Variants in SH3KBP1 observed in about 807,000 individuals in gnomAD.
SH3KBP1 encodes the protein SH3 domain containing kinase binding protein 1.
In SH3KBP1, 8 loss-of-function variants were observed where a neutral mutation model predicts 50.1. That is an observed-to-expected ratio of 0.16 (90% CI 0.09 to 0.29). The LOEUF (loss-of-function observed/expected upper bound fraction) is 0.29, where lower values mean the gene tolerates loss of function less well. Among genes scored for constraint, SH3KBP1 ranks in the 10% least tolerant of loss-of-function variants. The probability of loss-of-function intolerance (pLI) is 1.00; values close to 1 mark genes in which losing one functional copy is unlikely to be tolerated. For missense variants in SH3KBP1, 377 were observed against 535.2 expected (o/e 0.70, Z 2.92); for synonymous variants, 227 against 218.6 (o/e 1.04, Z -0.34).
At chrX:19,737,010 A>C (rs1412651241) in intron 3 of SH3KBP1, among the ~76,000 whole-genome samples, 2 of 107,824 alleles carry the variant, frequency 1.9e-5, no homozygotes, top group African/African-American at 6.8e-5. Context: ...AGGCTCAGAC[A>C]ATCCTCCCAC....
intron 2 of SH3KBP1, among the ~76,000 whole-genome samples, chrX:19,763,854 T>C (rs961835951): frequency 9.2e-6 from 1 of 108,226 alleles, no homozygotes; most frequent in Non-Finnish European, 1.9e-5. Flanking sequence ...AAACCCCGTC[T>C]ACACAAAAAA....
chrX:19,817,137 A>C (rs1670747928), intron 2 of SH3KBP1, among the ~76,000 whole-genome samples: 1 of 111,910 alleles, frequency 8.9e-6, no homozygotes, highest in African/African-American at 3.2e-5. Flanking sequence ...CTATATGTGT[A>C]TTCCTGTGTC....
chrX:19,617,647 A>G (rs1011737827), intron 8 of SH3KBP1, among the ~76,000 whole-genome samples: 1 of 112,562 alleles, frequency 8.9e-6, no homozygotes, highest in African/African-American at 3.2e-5. Context: ...GGATAAATAC[A>G]TGCAGTAAGT....
At chrX:19,612,636 T>C (rs190856803) in intron 8 of SH3KBP1, among the ~76,000 whole-genome samples, 1 of 110,221 alleles carries the variant, frequency 9.1e-6, no homozygotes, top group African/African-American at 3.3e-5. Flanking sequence ...CTGGGAATTT[T>C]AAAAAAAAAT....
At chrX:19,871,677 C>T (rs1456801645) in intron 1 of SH3KBP1, among the ~76,000 whole-genome samples, 2 of 111,922 alleles carry the variant, frequency 1.8e-5, no homozygotes, top group Admixed American at 9.5e-5. Flanking sequence ...AAGGCCAAGG[C>T]GTTGAGATGG....
At chrX:19,853,001 TA>T (rs1473610300) in intron 1 of SH3KBP1, among the ~76,000 whole-genome samples, 6 of 112,600 alleles carry the variant, frequency 5.3e-5, no homozygotes, top group Non-Finnish European at 9.4e-5. Context: ...CGCCTTCTCT[TA>T]AACAGGAATC....
intron 3 of SH3KBP1, among the ~76,000 whole-genome samples, chrX:19,739,014 GAAAAAAAAA>G (rs1167676836): frequency 4.0e-4 from 9 of 22,465 alleles, no homozygotes; most frequent in African/African-American, 1.3e-3. Context: ...CTGCCTCCAA[GAAAAAAAAA>G]AAAAAAAAAA....
intron 12 of SH3KBP1, among the ~76,000 whole-genome samples, chrX:19,581,098 T>C (rs1279229838): frequency 9.0e-6 from 1 of 111,165 alleles, no homozygotes; most frequent in Non-Finnish European, 1.9e-5. Context: ...ACTACAGACA[T>C]GCAACACCAT....
chrX:19,659,311 C>T (rs756745407), intron 6 of SH3KBP1, among the ~76,000 whole-genome samples: 1 of 109,986 alleles, frequency 9.1e-6, no homozygotes, highest in Admixed American at 9.7e-5. Flanking sequence ...GACAGGGTTT[C>T]ACCGTGTTGG....
chrX:19,540,594 A>G (rs1760742281), intron 16 of SH3KBP1, among the ~76,000 whole-genome samples: 1 of 111,318 alleles, frequency 9.0e-6, no homozygotes, highest in African/African-American at 3.3e-5. Context: ...GAGGCAGGTG[A>G]CAGGGCTTCT....
chrX:19,588,139 A>G (rs902674728), intron 12 of SH3KBP1: 1 of 244,303 alleles, frequency 4.1e-6, no homozygotes, highest in African/African-American at 2.8e-5. Context: ...TCTTAGAGTT[A>G]GAGACGTTCC....
At chrX:19,834,110 A>G (rs989366387) in intron 2 of SH3KBP1, among the ~76,000 whole-genome samples, 2 of 112,580 alleles carry the variant, frequency 1.8e-5, no homozygotes, top group Non-Finnish European at 3.8e-5. Flanking sequence ...AAATGCTAGC[A>G]GGATCACCCT....
chrX:19,648,586 C>G (rs1194244119), intron 6 of SH3KBP1, among the ~76,000 whole-genome samples: 1 of 111,553 alleles, frequency 9.0e-6, no homozygotes. Context: ...ACTCTCATGA[C>G]TGTATGAGCC....
chrX:19,768,979 G>C (rs1164289134), intron 2 of SH3KBP1, among the ~76,000 whole-genome samples: 1 of 107,771 alleles, frequency 9.3e-6, no homozygotes, highest in Non-Finnish European at 1.9e-5. Context: ...CATGTAAAGT[G>C]TCCTGTCCTG....
chrX:19,834,299 C>A (rs1363310445), intron 2 of SH3KBP1, among the ~76,000 whole-genome samples: 6 of 111,839 alleles, frequency 5.4e-5, no homozygotes, highest in African/African-American at 2.0e-4. Context: ...TTCTCTGGGC[C>A]CAAGGTTCCC....
rs181765635 is a variant in SH3KBP1, at chrX:19,810,578, C to T, written c.162+25547G>A. On this transcript the variant is annotated intron_variant, in intron 2 of 17. Transcript: ENST00000397821. ...ATTACGTTGTCACAAGGGCTGTTTA[C>T]AAATCAGCTACATCTCTGCATTGCA... 3.8e-3 allele frequency among the ~76,000 whole-genome samples: 423 copies of T among 112,303 alleles called. 9 individuals carry two copies. The highest frequency in any genetic ancestry group is 0.035 in the Admixed American group (369 of 10,613).
intron 2 of SH3KBP1, among the ~76,000 whole-genome samples, chrX:19,814,199 C>G (rs1363672124): frequency 9.0e-6 from 1 of 111,099 alleles, no homozygotes; most frequent in East Asian, 2.8e-4. Context: ...GTTGGCTGTA[C>G]TTACAGAAAT....
At chrX:19,690,054 CTCTCTCTT>C (rs1299051726) in intron 5 of SH3KBP1, among the ~76,000 whole-genome samples, 1 of 100,597 alleles carries the variant, frequency 9.9e-6, no homozygotes, top group African/African-American at 4.2e-5. Context: ...CTCTCTCTCT[CTCTCTCTT>C]TTTTTTTTTT....
intron 2 of SH3KBP1, among the ~76,000 whole-genome samples, chrX:19,764,986 CTTTTTTTTTTTT>C (rs34368819): frequency 2.2e-4 from 10 of 44,561 alleles, no homozygotes; most frequent in East Asian, 8.0e-4. Flanking sequence ...TTTTGCAGTT[CTTTTTTTTTTTT>C]TTTTTTTTTT....
Sources: allele counts gnomAD v4.1 joint callset (sites outside exome capture counted in the v4.1 genomes callset), GRCh38; gene constraint gnomAD v4.1.1; transcripts MANE v1.5; gene names NCBI Gene and HGNC (gene_info 2026-07-23, HGNC 2026-07-21).